The following FNDC3A variants were observed in gnomAD, a reference collection of about 807,000 sequenced individuals.
The protein encoded by FNDC3A is fibronectin type III domain containing 3A.
Under a neutral mutation model 148.9 loss-of-function variants are expected in FNDC3A, and 32 were observed. The ratio of observed to expected loss-of-function variants is 0.21; its 90% CI spans 0.16 to 0.29. The LOEUF (loss-of-function observed/expected upper bound fraction) is 0.29. FNDC3A is among the 10% of genes least tolerant of loss of function. FNDC3A has a pLI of 1.00. For synonymous variants in FNDC3A, 472 were observed against 473.6 expected (o/e 1.00, Z 0.04); for missense variants, 1,191 against 1,452.8 (o/e 0.82, Z 2.93).
intron 17 of FNDC3A, among the ~76,000 whole-genome samples, chr13:49,190,564 C>G (rs1032350317): frequency 6.6e-6 from 1 of 152,148 alleles, no homozygotes; most frequent in African/African-American, 2.4e-5. Context: ...ATACAGTCTA[C>G]AGTAGTAAAG....
rs1383772159 is a variant in FNDC3A at position 49,197,905 on chromosome 13, T to C, written c.2490+31T>C. 1.9e-6 allele frequency: 3 copies of C among 1,590,590 alleles called. No individual in the cohort carries two copies. The African/African-American group carries it at 4.1e-5, about 22-fold the overall frequency. On this transcript the variant is annotated intron_variant, in intron 21 of 25. Transcript: ENST00000492622. ...GATGATCAGTACCTTGTCACTTAACTCTATCCAGAGTTTTATATTTCATTG... is the reference window on the plus strand; with the variant it reads ...GATGATCAGTACCTTGTCACTTAACCCTATCCAGAGTTTTATATTTCATTG...
At chr13:49,188,485 T>A in intron 16 of FNDC3A, 30 bp from the exon 17 acceptor site, 1 of 1,362,722 alleles carries the variant, frequency 7.3e-7, no homozygotes, top group African/African-American at 1.4e-5. Context: ...TTACCTAGTA[T>A]CTGATTGAAC....
At position 49,131,150 on chromosome 13, in the gene FNDC3A, A is replaced by G. The variant is rs774395306; in HGVS notation, c.266A>G (p.Asn89Ser). The G allele has an allele frequency of 2.1e-5, 34 of 1,611,286 alleles. No homozygotes were observed. The South Asian group carries it at 3.2e-4, about 15-fold the overall frequency. ...TTCATTTTGTAGGTTATTGAAGACA[A>G]TGGTGTTCGAAGAGTTGTCGTGGTC... ...PGYAPQVIED[N>S]GVRRVVVVPQ... is the part of the protein sequence containing the mutation. Residue 89 changes from asparagine (N) to serine (S), a missense_variant, in exon 5 of 26, where the codon AAT becomes AGT. By Grantham distance (46) the Asn-to-Ser change is conservative. Around this residue, in one of 3 missense-constraint regions of FNDC3A, gnomAD observed 426 missense variants for 473.2 expected, o/e 0.90. Coordinates refer to ENST00000492622, the MANE Select transcript of FNDC3A (RefSeq NM_001079673.2).
chr13:49,058,207 C>CT (rs980111805), intron 2 of FNDC3A, among the ~76,000 whole-genome samples: 2 of 152,052 alleles, frequency 1.3e-5, no homozygotes, highest in African/African-American at 2.4e-5. Flanking sequence ...GCTCACAACT[C>CT]TAAGGGGGTC....
chr13:49,074,056 A>G (rs972739682), intron 2 of FNDC3A, among the ~76,000 whole-genome samples: 1 of 151,970 alleles, frequency 6.6e-6, no homozygotes, highest in African/African-American at 2.4e-5. Flanking sequence ...ATGAGAGGGC[A>G]TTCGAAGTAG....
intron 7 of FNDC3A, among the ~76,000 whole-genome samples, chr13:49,140,517 T>G (rs1882629443): frequency 6.6e-6 from 1 of 152,210 alleles, no homozygotes; most frequent in South Asian, 2.1e-4. Context: ...GAATGCCGAT[T>G]CCTCTTTGAT....
chr13:49,014,396 C>T (rs1242251911), intron 2 of FNDC3A, among the ~76,000 whole-genome samples: 1 of 117,250 alleles, frequency 8.5e-6, no homozygotes, highest in African/African-American at 3.3e-5. Context: ...TAAATGTCTT[C>T]TTTTGAGAAG....
chr13:49,049,536 A>T (rs1454934956), intron 2 of FNDC3A, among the ~76,000 whole-genome samples: 5 of 151,824 alleles, frequency 3.3e-5, no homozygotes, highest in Non-Finnish European at 5.9e-5. Context: ...GGTTTAATCT[A>T]GGAGGCTGTA....
chr13:49,012,564 G>GCA lies in FNDC3A; in HGVS notation c.99+6286_99+6287dup, dbSNP rs1034269739. ...AGCTTATCAATACACACACACACAT[G>GCA]CACACACACACAACACCTGCTGAGT... is the stretch of plus-strand genomic sequence containing the variant. On this transcript the variant is annotated intron_variant, in intron 2 of 25. Coordinates refer to ENST00000492622, the MANE Select transcript of FNDC3A (RefSeq NM_001079673.2). Among the ~76,000 whole-genome samples the GCA allele has an allele frequency of 3.5e-4, 53 of 151,670 alleles. No homozygotes were observed. The South Asian group carries it at 8.5e-3, about 24-fold the overall frequency.
intron 4 of FNDC3A, among the ~76,000 whole-genome samples, chr13:49,123,385 C>T (rs1422975516): frequency 6.6e-6 from 1 of 152,004 alleles, no homozygotes; most frequent in African/African-American, 2.4e-5. Flanking sequence ...AACCTAAAAC[C>T]GTAAAAACCC....
Position 49,167,435 on chromosome 13 carries a change from G to A in FNDC3A, c.1037+132G>A. ...GATTAAAAACAGACTTTGTGGGCTGGGCGCAGTGCGCCCGTAATCCCAGCA... is the reference window on the plus strand; with the variant it reads ...GATTAAAAACAGACTTTGTGGGCTGAGCGCAGTGCGCCCGTAATCCCAGCA... On this transcript the variant is annotated intron_variant, in intron 9 of 25. Coordinates refer to ENST00000492622, the MANE Select transcript of FNDC3A (RefSeq NM_001079673.2). 2.4e-5 allele frequency: 14 copies of A among 577,040 alleles called. No homozygotes were observed. The South Asian group carries it at 4.7e-4, about 20-fold the overall frequency. The allele number at this position is 577,040 out of a possible 1,614,324, so 35.7% of individuals were successfully genotyped here. A position where few individuals can be genotyped will look rare whatever the true frequency, so the allele number is the denominator to read the frequency against.
chr13:49,059,949 A>G (rs912500576), intron 2 of FNDC3A, among the ~76,000 whole-genome samples: 1 of 152,244 alleles, frequency 6.6e-6, no homozygotes, highest in African/African-American at 2.4e-5. Flanking sequence ...GGGAAATGCA[A>G]ATCAAAACCA....
chr13:48,976,973 G>C (rs1327529354), intron 1 of FNDC3A: 1 of 152,238 alleles, frequency 6.6e-6, no homozygotes, highest in African/African-American at 2.4e-5. Context: ...AAGAGGGACT[G>C]TTTTAATGGA....
chr13:48,981,365 T>G (rs1951691632), intron 1 of FNDC3A, among the ~76,000 whole-genome samples: 1 of 152,128 alleles, frequency 6.6e-6, no homozygotes, highest in Admixed American at 6.5e-5. Context: ...ATATCTATCC[T>G]GTTTTCCTCA....
intron 8 of FNDC3A, among the ~76,000 whole-genome samples, chr13:49,152,554 A>G (rs1883373248): frequency 6.6e-6 from 1 of 151,932 alleles, no homozygotes; most frequent in African/African-American, 2.4e-5. Flanking sequence ...GTGTATGTGC[A>G]CATTGTGCAG....
chr13:49,196,584 T>A (rs1383795381), intron 19 of FNDC3A, among the ~76,000 whole-genome samples: 1 of 152,222 alleles, frequency 6.6e-6, no homozygotes, highest in Non-Finnish European at 1.5e-5. Context: ...TCTCCTGAAT[T>A]ATTCCACCGA....
intron 1 of FNDC3A, among the ~76,000 whole-genome samples, chr13:48,995,557 T>C (rs1034515812): frequency 6.6e-6 from 1 of 152,198 alleles, no homozygotes; most frequent in African/African-American, 2.4e-5. Context: ...CCCTTCTCAC[T>C]TTCTCTACCA....
intron 1 of FNDC3A, among the ~76,000 whole-genome samples, chr13:48,984,983 C>T (rs949497792): frequency 4.0e-5 from 6 of 151,856 alleles, no homozygotes; most frequent in African/African-American, 7.3e-5. Context: ...TGCCCAGCCC[C>T]GAGTGGACTA....
chr13:49,008,972 C>G (rs747250188), intron 2 of FNDC3A, among the ~76,000 whole-genome samples: 24 of 152,026 alleles, frequency 1.6e-4, no homozygotes, highest in Non-Finnish European at 3.1e-4. Context: ...ATTAATGAAC[C>G]AGTATTGATG....
Sources: allele counts gnomAD v4.1 joint callset (sites outside exome capture counted in the v4.1 genomes callset), GRCh38; gene constraint gnomAD v4.1.1; regional missense constraint gnomAD v4.1.1; transcripts MANE v1.5; gene names NCBI Gene and HGNC (gene_info 2026-07-23, HGNC 2026-07-21).